Variants in RSRC1 observed in about 807,000 individuals in gnomAD.
RSRC1 encodes serine/Arginine-related protein 53.
Under a neutral mutation model 49.1 loss-of-function variants are expected in RSRC1, and 39 were observed. The ratio of observed to expected loss-of-function variants is 0.79; its 90% CI spans 0.61 to 1.04. RSRC1 has a LOEUF of 1.04. Ranked by LOEUF, RSRC1 falls within the 50% of genes least tolerant of loss-of-function variation. The pLI is 0.00. For missense variants in RSRC1, 388 were observed against 402.4 expected (o/e 0.96, Z 0.31); for synonymous variants, 143 against 130.8 (o/e 1.09, Z -0.63).
At chr3:158,299,482 G>A (rs912803529) in intron 5 of RSRC1, among the ~76,000 whole-genome samples, 10 of 151,554 alleles carry the variant, frequency 6.6e-5, no homozygotes, top group African/African-American at 7.3e-5. Flanking sequence ...ACAGGTGCCC[G>A]TCACCACACT....
chr3:158,176,641 T>C (rs796085936), intron 3 of RSRC1, among the ~76,000 whole-genome samples: 2 of 152,098 alleles, frequency 1.3e-5, no homozygotes, highest in South Asian at 2.1e-4. Context: ...ATACAAAAAT[T>C]AATTCAAGAT....
At chr3:158,246,928 T>C (rs1047973056) in intron 4 of RSRC1, among the ~76,000 whole-genome samples, 1 of 152,214 alleles carries the variant, frequency 6.6e-6, no homozygotes, top group African/African-American at 2.4e-5. Flanking sequence ...TTGGCCTGTC[T>C]TGCTAGGTTG....
At chr3:158,513,175 G>A (rs1740286624) in intron 7 of RSRC1, among the ~76,000 whole-genome samples, 1 of 149,720 alleles carries the variant, frequency 6.7e-6, no homozygotes, top group Non-Finnish European at 1.5e-5. Flanking sequence ...GGTGAGAGAG[G>A]GCATCCCTGT....
At chr3:158,367,317 C>G (rs1478491907) in intron 6 of RSRC1, among the ~76,000 whole-genome samples, 1 of 152,128 alleles carries the variant, frequency 6.6e-6, no homozygotes, top group East Asian at 1.9e-4. Flanking sequence ...TCCATCAACA[C>G]CTAGTTTATT....
intron 4 of RSRC1, among the ~76,000 whole-genome samples, chr3:158,224,139 G>C (rs943654180): frequency 6.6e-6 from 1 of 151,748 alleles, no homozygotes; most frequent in Non-Finnish European, 1.5e-5. Context: ...ACTGAAGTAA[G>C]ATTTATACAT....
intron 6 of RSRC1, among the ~76,000 whole-genome samples, chr3:158,425,373 C>T (rs1331116509): frequency 6.6e-6 from 1 of 152,038 alleles, no homozygotes; most frequent in Non-Finnish European, 1.5e-5. Flanking sequence ...GTTCAGTTTC[C>T]ATGTAGTTGA....
At chr3:158,504,852 G>C (rs1394257727) in intron 7 of RSRC1, among the ~76,000 whole-genome samples, 2 of 152,332 alleles carry the variant, frequency 1.3e-5, no homozygotes, top group East Asian at 3.9e-4. Context: ...TGAGAGGAAA[G>C]AGATGATCAA....
chr3:158,479,123 A>G (rs919312174), intron 7 of RSRC1, among the ~76,000 whole-genome samples: 2 of 151,164 alleles, frequency 1.3e-5, no homozygotes, highest in Admixed American at 6.6e-5. Context: ...CCAAATAAAT[A>G]AAATATGTTA....
At chr3:158,457,742 T>G (rs1330842731) in intron 6 of RSRC1, among the ~76,000 whole-genome samples, 1 of 124,472 alleles carries the variant, frequency 8.0e-6, no homozygotes, top group East Asian at 2.4e-4. Flanking sequence ...TTTTTTTTGT[T>G]TTTTTTTTTT....
intron 3 of RSRC1, among the ~76,000 whole-genome samples, chr3:158,142,579 T>G (rs1417816751): frequency 6.6e-6 from 1 of 152,066 alleles, no homozygotes; most frequent in Admixed American, 6.6e-5. Context: ...CCTCAGGAAG[T>G]TTATAAACGT....
intron 4 of RSRC1, among the ~76,000 whole-genome samples, chr3:158,211,042 T>C (rs1292267095): frequency 2.0e-5 from 3 of 152,164 alleles, no homozygotes; most frequent in South Asian, 4.1e-4. Flanking sequence ...ATTAGGGATA[T>C]GTGAAGAAGT....
At chr3:158,487,757 CTGGCCAACA>C (rs1321456392) in intron 7 of RSRC1, among the ~76,000 whole-genome samples, 1 of 151,606 alleles carries the variant, frequency 6.6e-6, no homozygotes, top group Non-Finnish European at 1.5e-5. Flanking sequence ...CAAGACCAGC[CTGGCCAACA>C]TGGTGAAACC....
chr3:158,342,438 T>C (rs902127437), intron 5 of RSRC1, among the ~76,000 whole-genome samples: 4 of 152,168 alleles, frequency 2.6e-5, no homozygotes, highest in Non-Finnish European at 5.9e-5. Flanking sequence ...CTGCTTTTGC[T>C]TCCTCCTCAT....
At position 158,545,188 on chromosome 3, in the gene RSRC1, A is replaced by ATTTTTTTTTTTTTT. The variant is rs1386441866; in HGVS notation, c.*917_*918insTTTTTTTTTTTTTT. On this transcript the variant is annotated 3_prime_UTR_variant, in exon 10 of 10. Transcript: ENST00000611884. The stretch of plus-strand genomic sequence containing the variant: ...GCTGACATGAATATTTCCCGTTTCT[A>ATTTTTTTTTTTTTT]TTTTCTTTTTTTTTTTTTTTTTTTT... The ATTTTTTTTTTTTTT allele has an allele frequency of 3.4e-5, 2 of 58,790 alleles. No homozygotes were observed. The highest frequency in any genetic ancestry group is 1.2e-4 in the African/African-American group (2 of 16,030). 3.6% of individuals were successfully genotyped at this position (58,790 alleles called of 1,614,324 possible). A position where few individuals can be genotyped will look rare whatever the true frequency, so the allele number is the denominator to read the frequency against.
At chr3:158,366,819 A>C in intron 6 of RSRC1, among the ~76,000 whole-genome samples, 1 of 151,900 alleles carries the variant, frequency 6.6e-6, no homozygotes, top group Admixed American at 6.6e-5. Context: ...GTCCTCTCTT[A>C]TTTCCTCGAG....
intron 6 of RSRC1, among the ~76,000 whole-genome samples, chr3:158,386,244 G>A (rs1200663900): frequency 6.6e-6 from 1 of 151,852 alleles, no homozygotes; most frequent in Non-Finnish European, 1.5e-5. Context: ...AAGGTAATGA[G>A]CCTATTATTT....
intron 4 of RSRC1, among the ~76,000 whole-genome samples, chr3:158,271,775 CT>C (rs1725530378): frequency 6.6e-6 from 1 of 151,762 alleles, no homozygotes; most frequent in Admixed American, 6.6e-5. Context: ...GTATTTTAAC[CT>C]TTTTAGGTGT....
intron 4 of RSRC1, among the ~76,000 whole-genome samples, chr3:158,219,123 A>G (rs2108296341): frequency 6.6e-6 from 1 of 151,762 alleles, no homozygotes; most frequent in African/African-American, 2.4e-5. Flanking sequence ...AGGAAGTGAG[A>G]AGGAAAGGGA....
intron 7 of RSRC1, among the ~76,000 whole-genome samples, chr3:158,503,904 C>T (rs1013228540): frequency 1.5e-4 from 23 of 152,110 alleles, no homozygotes; most frequent in African/African-American, 5.6e-4. Context: ...GCTTCCCATC[C>T]CATTCAAATT....
Sources: gnomAD v4.1 joint callset for allele counts (sites outside exome capture counted in the v4.1 genomes callset) on GRCh38, gnomAD v4.1.1 for gene constraint, MANE v1.5 for transcripts, NCBI Gene and HGNC (gene_info 2026-07-23, HGNC 2026-07-21) for gene names.